The following CALD1 variants were observed in gnomAD, a reference collection of about 807,000 sequenced individuals.
CALD1 encodes the protein caldesmon 1.
CALD1 carries 33 observed loss-of-function variants against 99.9 expected under a neutral mutation model. That is an observed-to-expected ratio of 0.33 (90% CI 0.25 to 0.44). The LOEUF is 0.44. CALD1 is among the 20% of genes least tolerant of loss of function. CALD1 has a pLI of 1.00. For missense variants in CALD1, 861 were observed against 962.1 expected (o/e 0.89, Z 1.39); for synonymous variants, 310 against 325.0 (o/e 0.95, Z 0.50).
chr7:134,825,736 C>A (rs1798962173), intron 1 of CALD1, among the ~76,000 whole-genome samples: 2 of 152,056 alleles, frequency 1.3e-5, no homozygotes, highest in Non-Finnish European at 2.9e-5. Context: ...TGTTTTGACC[C>A]TTCCTGTAGA....
chr7:134,711,628 T>TTCTCTC, the CALD1 span, among the ~76,000 whole-genome samples: 7,181 of 62,988 alleles, frequency 0.11, 515 homozygotes, highest in East Asian at 0.19. Flanking sequence ...CAACCTCAGC[T>TTCTCTC]TCTCTCTCTC....
rs528084861 is a variant in CALD1 at position 134,792,992 on chromosome 7, C to T, written c.-130+13243C>T. ...AAGTCAAAAGAGGTTTTCGAAATGA[C>T]GCACTGAAGTACAGCTTCACATACT... On this transcript the variant is annotated intron_variant, in intron 1 of 14. Transcript: ENST00000361675. Among the ~76,000 whole-genome samples the T allele has an allele frequency of 6.6e-5, 10 of 152,344 alleles. No individual in the cohort carries two copies. In the South Asian group the frequency reaches 1.7e-3, roughly 25 times the overall value.
At chr7:134,752,868 G>A (rs778100740) in intron 1 of CALD1, among the ~76,000 whole-genome samples, 4 of 151,818 alleles carry the variant, frequency 2.6e-5, no homozygotes, top group Non-Finnish European at 5.9e-5. Flanking sequence ...CAGGCGTGGT[G>A]GCATGGTGGC....
intron 11 of CALD1, 121 bp downstream of exon 11, chr7:134,958,411 T>TC (rs1807944472): frequency 1.7e-6 from 1 of 586,112 alleles, no homozygotes. Context: ...GTTAGAATTT[T>TC]TTTTTTTTTT....
intron 3 of CALD1, among the ~76,000 whole-genome samples, chr7:134,904,230 GTAAATAAA>G (rs757335116): frequency 6.6e-6 from 1 of 151,648 alleles, no homozygotes; most frequent in East Asian, 1.9e-4. Context: ...CTCAAAATAA[GTAAATAAA>G]TAAATAAATA....
intron 1 of CALD1, among the ~76,000 whole-genome samples, chr7:134,771,745 A>G (rs968981043): frequency 2.6e-5 from 4 of 151,862 alleles, no homozygotes; most frequent in African/African-American, 9.7e-5. Flanking sequence ...ACTCCTCCCC[A>G]AGTCCCCCTG....
Position 134,957,946 on chromosome 7 carries a change from C to G in CALD1, c.1936-123C>G. On this transcript the variant is annotated intron_variant, in intron 9 of 14. Coordinates refer to ENST00000361675, the MANE Select transcript of CALD1 (RefSeq NM_033138.4). Reference sequence around the variant, plus strand: ...TCTAGCAGAGCTACGCACAGTAACTCAAATACCCTTATATGCTCTTCGGTG... The same window carrying G: ...TCTAGCAGAGCTACGCACAGTAACTGAAATACCCTTATATGCTCTTCGGTG... The G allele has an allele frequency of 4.2e-6, 3 of 719,162 alleles. No homozygotes were observed. The South Asian group carries it at 5.0e-5, about 12-fold the overall frequency. The allele number at this position is 719,162 out of a possible 1,614,324, so 44.5% of individuals were successfully genotyped here. A position where few individuals can be genotyped will look rare whatever the true frequency, so the allele number is the denominator to read the frequency against.
At chr7:134,779,471 A>G (rs993007772), upstream of CALD1, 5 of 388,088 alleles carry the variant, frequency 1.3e-5, no homozygotes, top group African/African-American at 8.3e-5. Context: ...GGCAGGCTGC[A>G]TCCACCTTGG....
intron 3 of CALD1, among the ~76,000 whole-genome samples, chr7:134,877,593 G>C (rs1217292220): frequency 6.6e-6 from 1 of 152,136 alleles, no homozygotes; most frequent in Non-Finnish European, 1.5e-5. Context: ...TACAATGGTT[G>C]CATCTGTGCT....
intron 3 of CALD1, among the ~76,000 whole-genome samples, chr7:134,877,997 C>G (rs12154240): frequency 0.11 from 17,274 of 152,096 alleles, 1,884 homozygotes; most frequent in African/African-American, 0.29. Context: ...TAATGCGTAT[C>G]CTATAAACTC....
chr7:134,917,580 C>G (rs975546660), intron 3 of CALD1, among the ~76,000 whole-genome samples: 1 of 152,136 alleles, frequency 6.6e-6, no homozygotes. Context: ...GAACTCCTGA[C>G]CTCAGATGAT....
At chr7:134,929,603 A>G (rs1373536157) in intron 4 of CALD1, among the ~76,000 whole-genome samples, 1 of 14,870 alleles carries the variant, frequency 6.7e-5, no homozygotes, top group African/African-American at 5.1e-4. Flanking sequence ...ATAGTATTCC[A>G]TGGTGTGTGT....
intron 1 of CALD1, among the ~76,000 whole-genome samples, chr7:134,821,381 A>G (rs1217000854): frequency 6.6e-6 from 1 of 152,092 alleles, no homozygotes; most frequent in Non-Finnish European, 1.5e-5. Flanking sequence ...TCTCTTTGTT[A>G]AATTATTGTA....
chr7:134,878,814 A>T (rs563418296), intron 3 of CALD1, among the ~76,000 whole-genome samples: 83 of 152,086 alleles, frequency 5.5e-4, no homozygotes, highest in African/African-American at 1.6e-3. Flanking sequence ...ATAATAATAA[A>T]AAAAATAGCT....
intron 3 of CALD1, among the ~76,000 whole-genome samples, chr7:134,914,618 C>A (rs1804067965): frequency 6.6e-6 from 1 of 152,180 alleles, no homozygotes; most frequent in African/African-American, 2.4e-5. Flanking sequence ...CTCACTAATG[C>A]CCTTCATGCC....
chr7:134,960,420 G>A, intron 12 of CALD1, 113 bp from the exon 13 acceptor site: 3 of 749,262 alleles, frequency 4.0e-6, no homozygotes, highest in Non-Finnish European at 2.4e-6. Context: ...AAGTGTTAAG[G>A]TTTATGGTTA....
At chr7:134,958,872 AATATATATATATATATATATATATAT>A (rs58837080) in intron 11 of CALD1, among the ~76,000 whole-genome samples, 2 of 124,864 alleles carry the variant, frequency 1.6e-5, no homozygotes, top group South Asian at 2.7e-4. Context: ...CTGGTATTTA[AATATATATATATATATATATATATAT>A]ATATATATAT....
At chr7:134,854,161 T>C (rs1394303180) in intron 2 of CALD1, among the ~76,000 whole-genome samples, 3 of 152,184 alleles carry the variant, frequency 2.0e-5, no homozygotes, top group Non-Finnish European at 4.4e-5. Flanking sequence ...TGAATAGTGC[T>C]GCAATAAACA....
At chr7:134,749,264 C>T (rs984550796) in intron 1 of CALD1, among the ~76,000 whole-genome samples, 3 of 152,242 alleles carry the variant, frequency 2.0e-5, no homozygotes, top group Non-Finnish European at 4.4e-5. Flanking sequence ...GAACACCTCT[C>T]AGCCCTGGAA....
Sources: allele counts gnomAD v4.1 joint callset (sites outside exome capture counted in the v4.1 genomes callset), GRCh38; gene constraint gnomAD v4.1.1; transcripts MANE v1.5; gene names NCBI Gene and HGNC (gene_info 2026-07-23, HGNC 2026-07-21).